Variants in SGMS2 observed in about 807,000 individuals in gnomAD.
The protein encoded by SGMS2 is sphingomyelin synthase 2.
SGMS2 carries 21 observed loss-of-function variants against 43.8 expected under a neutral mutation model. The ratio of observed to expected loss-of-function variants is 0.48; its 90% CI spans 0.34 to 0.69. The LOEUF (loss-of-function observed/expected upper bound fraction) is 0.69. Ranked by LOEUF, SGMS2 falls within the 30% of genes least tolerant of loss-of-function variation. SGMS2 has a pLI of 0.01. For missense variants in SGMS2, 384 were observed against 443.2 expected (o/e 0.87, Z 1.20); for synonymous variants, 167 against 160.6 (o/e 1.04, Z -0.30).
chr4:107,892,632 C>T (rs1466531341), intron 2 of SGMS2, among the ~76,000 whole-genome samples: 1 of 152,084 alleles, frequency 6.6e-6, no homozygotes, highest in Admixed American at 6.6e-5. Flanking sequence ...CATCAATCAA[C>T]ATATGTAAGA....
intron 1 of SGMS2, among the ~76,000 whole-genome samples, chr4:107,836,627 C>T (rs1376629624): frequency 6.6e-6 from 1 of 152,210 alleles, no homozygotes; most frequent in African/African-American, 2.4e-5. Context: ...ACCTCATCGT[C>T]TACCTCTTGT....
chr4:107,884,417 C>T (rs1729582234), intron 2 of SGMS2, among the ~76,000 whole-genome samples: 1 of 152,090 alleles, frequency 6.6e-6, no homozygotes, highest in Non-Finnish European at 1.5e-5. Flanking sequence ...TAGGAACAAA[C>T]CATCCTAGCC....
At chr4:107,891,267 A>G (rs1313773956) in intron 2 of SGMS2, among the ~76,000 whole-genome samples, 1 of 151,844 alleles carries the variant, frequency 6.6e-6, no homozygotes, top group Non-Finnish European at 1.5e-5. Flanking sequence ...GGTCAAACCC[A>G]ATGGGAAAAA....
chr4:107,870,864 ATTAT>A (rs954919805), intron 2 of SGMS2, among the ~76,000 whole-genome samples: 10 of 152,202 alleles, frequency 6.6e-5, no homozygotes, highest in African/African-American at 1.2e-4. Flanking sequence ...ATTTAAAGTG[ATTAT>A]TTATAGGCAA....
chr4:107,877,058 A>G (rs1447662033), intron 2 of SGMS2, among the ~76,000 whole-genome samples: 1 of 152,150 alleles, frequency 6.6e-6, no homozygotes, highest in Non-Finnish European at 1.5e-5. Context: ...CCAGCATTTT[A>G]GGAGGCTGAC....
In SGMS2 at chr4:107,910,636, G is replaced by T. The variant is rs1007406510; in HGVS notation, c.*83G>T. The T allele has an allele frequency of 2.3e-5, 30 of 1,320,322 alleles. No individual in the cohort carries two copies. Among genetic ancestry groups the T allele is most frequent in the Non-Finnish European group, 2.8e-5 (27 of 965,652 alleles). 81.8% of individuals were successfully genotyped at this position (1,320,322 alleles called of 1,614,324 possible). On this transcript the variant is annotated 3_prime_UTR_variant, in exon 7 of 7. Transcript: ENST00000690982. The stretch of plus-strand genomic sequence containing the variant: ...TATAGTTTTGTTTTTTATTTTAGGA[G>T]AACTGACTGGTAAATGAAGAAATGG...
intron 1 of SGMS2, among the ~76,000 whole-genome samples, chr4:107,837,744 G>A (rs1338988502): frequency 6.6e-6 from 1 of 152,170 alleles, no homozygotes; most frequent in South Asian, 2.1e-4. Context: ...GGAGCATTCT[G>A]TATGAGAATT....
At chr4:107,886,398 A>C (rs1308143997) in intron 2 of SGMS2, among the ~76,000 whole-genome samples, 6 of 110,128 alleles carry the variant, frequency 5.4e-5, no homozygotes, top group Non-Finnish European at 5.5e-5. Context: ...TTTTTTTGGT[A>C]AACGCAGGGT....
chr4:107,826,624 T>G (rs2125979581), intron 1 of SGMS2, among the ~76,000 whole-genome samples: 1 of 152,254 alleles, frequency 6.6e-6, no homozygotes. Flanking sequence ...TCTTCTAATG[T>G]TCTTACTTCA....
In SGMS2 at chr4:107,895,817, C is replaced by A; in HGVS notation, c.264C>A (p.Phe88Leu). The A allele has an allele frequency of 6.2e-7, 1 of 1,613,990 alleles. No individual in the cohort carries two copies. Among genetic ancestry groups the A allele is most frequent in the South Asian group, 1.1e-5 (1 of 91,084 alleles). The change falls in exon 3 of 7, where the codon TTC becomes TTA. Residue 88 changes from phenylalanine (F) to leucine (L), a missense_variant. By Grantham distance (22) the Phe-to-Leu change is conservative. Transcript: ENST00000690982. ...KTGIAFIYAV[F>L]NLVLTTVMIT... ...GCATTGCCTTCATATATGCAGTTTT[C>A]AACCTCGTCTTGACAACCGTCATGA...
chr4:107,858,641 T>C (rs1244873941), intron 2 of SGMS2, 88 bp downstream of exon 2: 1 of 151,876 alleles, frequency 6.6e-6, no homozygotes, highest in East Asian at 1.9e-4. Flanking sequence ...CAGCTGAAGG[T>C]TGGCTGTCTA....
intron 1 of SGMS2, among the ~76,000 whole-genome samples, chr4:107,830,212 A>G (rs766678825): frequency 2.0e-5 from 3 of 152,190 alleles, no homozygotes; most frequent in Non-Finnish European, 4.4e-5. Context: ...ACATGATTTC[A>G]TTCATTTTTA....
chr4:107,832,247 G>A lies in SGMS2; in HGVS notation c.-327+6994G>A, dbSNP rs187272773. Among the ~76,000 whole-genome samples, 12 of 152,166 alleles carry A rather than the reference G, an allele frequency of 7.9e-5. No homozygotes were observed. In the East Asian group the frequency reaches 9.7e-4, roughly 12 times the overall value. ...CATGAATGTCATTGAATATATTTACGTATATATAAAATATATGCCATATGG... is the reference window on the plus strand; with the variant it reads ...CATGAATGTCATTGAATATATTTACATATATATAAAATATATGCCATATGG... On this transcript the variant is annotated intron_variant, in intron 1 of 6. Coordinates refer to ENST00000690982, the MANE Select transcript of SGMS2 (RefSeq NM_001375905.1).
chr4:107,828,182 T>G (rs188934380), intron 1 of SGMS2, among the ~76,000 whole-genome samples: 1 of 152,240 alleles, frequency 6.6e-6, no homozygotes, highest in African/African-American at 2.4e-5. Flanking sequence ...AGAAAATCAT[T>G]TAACATTTCT....
intron 2 of SGMS2, among the ~76,000 whole-genome samples, chr4:107,875,537 A>C (rs929884294): frequency 3.3e-5 from 5 of 152,170 alleles, no homozygotes; most frequent in African/African-American, 1.2e-4. Context: ...GAGGGAGAAC[A>C]TCAGGAAGAA....
chr4:107,858,851 C>T (rs976047954), intron 2 of SGMS2, among the ~76,000 whole-genome samples: 1 of 152,192 alleles, frequency 6.6e-6, no homozygotes, highest in African/African-American at 2.4e-5. Flanking sequence ...CCATAACTTT[C>T]TAACCTGTTT....
At chr4:107,848,065 G>A (rs547241747) in intron 1 of SGMS2, among the ~76,000 whole-genome samples, 4 of 152,152 alleles carry the variant, frequency 2.6e-5, no homozygotes, top group South Asian at 2.1e-4. Flanking sequence ...TGTGTTCTGC[G>A]TATTCACTCC....
intron 1 of SGMS2, among the ~76,000 whole-genome samples, chr4:107,830,834 G>GC (rs1725851315): frequency 6.6e-6 from 1 of 152,140 alleles, no homozygotes; most frequent in South Asian, 2.1e-4. Flanking sequence ...AAGACTTGCA[G>GC]CATTAGTTGA....
intron 2 of SGMS2, among the ~76,000 whole-genome samples, chr4:107,885,700 G>C (rs1046611425): frequency 6.6e-6 from 1 of 152,116 alleles, no homozygotes; most frequent in African/African-American, 2.4e-5. Flanking sequence ...CTAAAAGGCA[G>C]AAAAGAATAT....
Sources: gnomAD v4.1 joint callset for allele counts (sites outside exome capture counted in the v4.1 genomes callset) on GRCh38, gnomAD v4.1.1 for gene constraint, MANE v1.5 for transcripts, NCBI Gene and HGNC (gene_info 2026-07-23, HGNC 2026-07-21) for gene names.